GTSF1: variants seen among roughly 807,000 people sequenced by gnomAD.
GTSF1 encodes the protein gametocyte specific factor 1, also known as gametocyte-specific factor 1.
A neutral mutation model predicts 28.9 loss-of-function variants in GTSF1; 11 were observed. That is an observed-to-expected ratio of 0.38 (90% confidence interval 0.24 to 0.63). GTSF1 has a LOEUF of 0.63. Ranked by LOEUF, GTSF1 falls within the 30% of genes least tolerant of loss-of-function variation. GTSF1 has a pLI of 0.56. For synonymous variants in GTSF1, 69 were observed against 65.6 expected, an observed-to-expected ratio of 1.05 and a Z score of -0.25; for missense variants, 146 against 201.0, an observed-to-expected ratio of 0.73 and a Z score of 1.66.
intron 6 of GTSF1, among the ~76,000 whole-genome samples, chr12:54,461,521 C>A (rs2120744122): frequency 6.6e-6 from 1 of 152,034 alleles, no homozygotes; most frequent in South Asian, 2.1e-4. Context: ...GTGGTGGATC[C>A]CTATAGTTCT....
chr12:54,458,619 G>A (rs537057256), intron 8 of GTSF1, among the ~76,000 whole-genome samples: 3 of 151,974 alleles, frequency 2.0e-5, no homozygotes, highest in South Asian at 2.1e-4. Context: ...TGGTCTGCCC[G>A]CCTTGGTCTC....
rs1284090002 is a variant in GTSF1 at position 54,458,151 on chromosome 12, C to T, written c.*20+938G>A. Among the ~76,000 whole-genome samples the T allele has an allele frequency of 2.0e-5, 3 of 152,250 alleles. No individual in the cohort carries two copies. In the East Asian group the frequency reaches 5.8e-4, roughly 29 times the overall value. ...CTCAGCCTTTATAACATTCCCTTTG[C>T]CAGAAGCAATGTGTCTGGGCAACCT... On this transcript the variant is annotated intron_variant, in intron 8 of 8. Transcript: ENST00000305879.
At chr12:54,465,405 A>G (rs998395940) in intron 2 of GTSF1, among the ~76,000 whole-genome samples, 1 of 152,118 alleles carries the variant, frequency 6.6e-6, no homozygotes, top group African/African-American at 2.4e-5. Flanking sequence ...AACTGAACAT[A>G]TTGTTTTTGT....
In GTSF1 at chr12:54,463,202, A is replaced by G. The variant is rs1202221923; in HGVS notation, c.213T>C (p.Cys71=). The G allele has an allele frequency of 1.9e-6, 3 of 1,613,954 alleles. No individual in the cohort carries two copies. Among genetic ancestry groups the G allele is most frequent in the South Asian group, 2.2e-5 (2 of 91,066 alleles). ...CTTGCTCAATACAACTTCTGTCATC[A>G]CAGCTTGAGATATGATGACTAATTT... The part of the protein sequence containing the change: ...RAEISHHISS[C]DDRSCIEQDV... Residue 71 remains cysteine (C), a synonymous_variant, in exon 4 of 9, where the codon TGT becomes TGC. Transcript: ENST00000305879.
intron 7 of GTSF1, chr12:54,459,455 T>C: frequency 7.5e-7 from 1 of 1,327,268 alleles, no homozygotes; most frequent in Non-Finnish European, 9.8e-7. Context: ...AATCTGAATC[T>C]AGGGGCAACA....
chr12:54,469,091 T>G (rs932120244), intron 2 of GTSF1: 5 of 152,226 alleles, frequency 3.3e-5, no homozygotes, highest in Admixed American at 3.3e-4. Context: ...TTTCTTTTAA[T>G]TTTTTTGAGA....
intron 2 of GTSF1, among the ~76,000 whole-genome samples, chr12:54,469,955 A>G (rs1956574349): frequency 1.3e-5 from 2 of 151,992 alleles, no homozygotes; most frequent in African/African-American, 4.8e-5. Flanking sequence ...GGTGGATCAC[A>G]AGGTCAGGAG....
intron 3 of GTSF1, 25 bp from the exon 4 acceptor site, chr12:54,463,322 T>C (rs1956453630): frequency 6.2e-7 from 1 of 1,612,754 alleles, no homozygotes; most frequent in African/African-American, 1.3e-5. Context: ...TTAAGGGATC[T>C]GTCAGTTCTC....
At chr12:54,465,045 A>AT (rs781448502) in intron 3 of GTSF1, 22 bp downstream of exon 3, 141 of 1,517,118 alleles carry the variant, frequency 9.3e-5, no homozygotes, top group Middle Eastern at 1.7e-4. Context: ...GGAGGGTGTT[A>AT]GAGGGCAAAT....
intron 8 of GTSF1, 82 bp downstream of exon 8, chr12:54,459,007 A>G: frequency 3.2e-6 from 3 of 935,336 alleles, no homozygotes; most frequent in Non-Finnish European, 5.0e-6. Flanking sequence ...AATCTGAAAG[A>G]AAATTGGACC....
intron 2 of GTSF1, among the ~76,000 whole-genome samples, chr12:54,467,437 C>G (rs1415379283): frequency 2.0e-5 from 3 of 151,928 alleles, no homozygotes; most frequent in African/African-American, 7.3e-5. Flanking sequence ...GCCTCAGACT[C>G]TTGAGTAGCT....
intron 1 of GTSF1, among the ~76,000 whole-genome samples, chr12:54,473,004 T>C (rs1216726565): frequency 6.6e-6 from 1 of 152,190 alleles, no homozygotes; most frequent in East Asian, 1.9e-4. Flanking sequence ...CAACCTATTC[T>C]TCCCGGACAA....
At chr12:54,460,255 G>A (rs1157886043) in intron 7 of GTSF1, 122 bp downstream of exon 7, 3 of 684,766 alleles carry the variant, frequency 4.4e-6, no homozygotes, top group East Asian at 2.7e-5. Context: ...CATTTAAGGA[G>A]GCACTCACTT....
Position 54,462,682 on chromosome 12 carries a change from G to A in GTSF1, c.288C>T (p.Ser96=), listed in dbSNP as rs1386729819. 6.2e-7 allele frequency: 1 copy of A among 1,614,110 alleles called. No individual in the cohort carries two copies. Among genetic ancestry groups the A allele is most frequent in the Admixed American group, 1.7e-5 (1 of 60,018 alleles). ...RSLRQETLAE[S]TWQCPPCDED... The stretch of plus-strand genomic sequence containing the variant: ...CATCGCAAGGAGGGCACTGCCAAGT[G>A]CTCTCAGCCAGAGTCTCTTGTCTAA... The change falls in exon 5 of 9, where the codon AGC becomes AGT. Residue 96 remains serine (S), a synonymous_variant. Coordinates refer to ENST00000305879, the MANE Select transcript of GTSF1 (RefSeq NM_144594.3).
intron 2 of GTSF1, 31 bp from the exon 3 acceptor site, chr12:54,465,198 A>T: frequency 6.9e-7 from 1 of 1,441,460 alleles, no homozygotes; most frequent in East Asian, 2.3e-5. Context: ...AGTAGGTAAA[A>T]CGATAATAGG....
rs936675580 is a variant in GTSF1, at chr12:54,463,259, G to A, written c.156C>T (p.Pro52=). 1.2e-6 allele frequency: 2 copies of A among 1,613,932 alleles called. No individual in the cohort carries two copies. Among genetic ancestry groups the A allele is most frequent in the Admixed American group, 1.7e-5 (1 of 60,020 alleles). The change falls in exon 4 of 9, where the codon CCC becomes CCT. Residue 52 remains proline, a synonymous_variant. Coordinates refer to ENST00000305879, the MANE Select transcript of GTSF1 (RefSeq NM_144594.3). ...GAGGAACCTGGTGGCGAGCATTGAA[G>A]GGACAAGTAGCCAATTTGCTTGCAA... ...PDVASKLATC[P]FNARHQVPRA...
intron 7 of GTSF1, chr12:54,459,505 C>A (rs1023665671): frequency 8.3e-7 from 1 of 1,205,034 alleles, no homozygotes; most frequent in Admixed American, 2.7e-5. Flanking sequence ...ATGACAGTAT[C>A]TTGGGTGTTC....
Position 54,462,089 on chromosome 12 carries a change from G to C in GTSF1, c.392+20C>G. 2 of 1,595,786 alleles carry C rather than the reference G, an allele frequency of 1.3e-6. No homozygotes were observed. Among genetic ancestry groups the C allele is most frequent in the Non-Finnish European group, 1.7e-6 (2 of 1,163,436 alleles). ...CGCTGATTTTGGGAGACAATGCTGG[G>C]ATAAGACTATTTCATTTACCTGTTG... On this transcript the variant is annotated intron_variant, in intron 6 of 8. Coordinates refer to ENST00000305879, the MANE Select transcript of GTSF1 (RefSeq NM_144594.3).
intron 1 of GTSF1, 126 bp from the exon 2 acceptor site, chr12:54,471,403 C>T: frequency 2.0e-6 from 1 of 500,450 alleles, no homozygotes; most frequent in South Asian, 3.9e-5. Context: ...TTTACTCTCC[C>T]CACTCCCCCC....
Sources: gnomAD v4.1 joint callset for allele counts (sites outside exome capture counted in the v4.1 genomes callset) on GRCh38, gnomAD v4.1.1 for gene constraint, MANE v1.5 for transcripts, NCBI Gene and HGNC (gene_info 2026-07-23, HGNC 2026-07-21) for gene names.